Variants in MAGI1 observed in about 807,000 individuals in gnomAD.
MAGI1 encodes membrane-associated guanylate kinase, WW and PDZ domain-containing protein 1.
A neutral mutation model predicts 139.9 loss-of-function variants in MAGI1; 58 were observed. The ratio of observed to expected loss-of-function variants is 0.41; its 90% CI spans 0.34 to 0.52. MAGI1 has a LOEUF of 0.52. Among genes scored for constraint, MAGI1 ranks in the 20% least tolerant of loss-of-function variants. The pLI is 0.12. For synonymous variants in MAGI1, 812 were observed against 737.9 expected, an observed-to-expected ratio of 1.10 and a Z score of -1.63; for missense variants, 1,874 against 1,901.6, an observed-to-expected ratio of 0.99 and a Z score of 0.27.
At chr3:65,739,238 T>A (rs2035047088) in intron 1 of MAGI1, among the ~76,000 whole-genome samples, 1 of 152,222 alleles carries the variant, frequency 6.6e-6, no homozygotes, top group South Asian at 2.1e-4. Context: ...TTAAACTTCA[T>A]GAACCAACTT....
chr3:65,721,886 A>G (rs1307575688), intron 1 of MAGI1, among the ~76,000 whole-genome samples: 1 of 150,794 alleles, frequency 6.6e-6, no homozygotes, highest in Non-Finnish European at 1.5e-5. Flanking sequence ...CTAATTCTGG[A>G]GGTCGACTAA....
chr3:65,775,502 C>CAAAAAAAAAAAAAAAAAAAAA (rs9311958), intron 1 of MAGI1, among the ~76,000 whole-genome samples: 1 of 36,594 alleles, frequency 2.7e-5, no homozygotes, highest in Non-Finnish European at 4.5e-5. Context: ...CCCACTCTGC[C>CAAAAAAAAAAAAAAAAAAAAA]AAAAAAAAAA....
At chr3:65,501,896 C>T (rs918265995) in intron 2 of MAGI1, among the ~76,000 whole-genome samples, 11 of 152,144 alleles carry the variant, frequency 7.2e-5, no homozygotes, top group Non-Finnish European at 1.2e-4. Flanking sequence ...ACAGCATGGA[C>T]GAGTCTCACA....
intron 2 of MAGI1, among the ~76,000 whole-genome samples, chr3:65,520,388 T>C (rs1394711507): frequency 3.9e-5 from 6 of 152,182 alleles, no homozygotes; most frequent in Non-Finnish European, 1.5e-5. Context: ...GAAAAACTTA[T>C]ATTTGAACAC....
At chr3:65,522,919 C>T (rs1423116141) in intron 2 of MAGI1, among the ~76,000 whole-genome samples, 1 of 152,166 alleles carries the variant, frequency 6.6e-6, no homozygotes, top group Admixed American at 6.5e-5. Context: ...TTTTTGGCTT[C>T]AGGCTCAGCT....
intron 3 of MAGI1, among the ~76,000 whole-genome samples, chr3:65,480,898 C>A (rs1019614978): frequency 6.6e-6 from 1 of 151,914 alleles, no homozygotes; most frequent in Non-Finnish European, 1.5e-5. Flanking sequence ...AATAAGGTTT[C>A]TTTTTTAAGA....
chr3:65,573,520 T>G (rs564567969), intron 2 of MAGI1, among the ~76,000 whole-genome samples: 20 of 151,130 alleles, frequency 1.3e-4, no homozygotes, highest in African/African-American at 4.9e-4. Context: ...TTTCAGAAAC[T>G]CCCACATTTA....
intron 1 of MAGI1, among the ~76,000 whole-genome samples, chr3:65,925,657 T>A (rs968802558): frequency 6.7e-6 from 1 of 149,654 alleles, no homozygotes; most frequent in African/African-American, 2.5e-5. Flanking sequence ...AATAGCTCTC[T>A]CATATAACCT....
intron 1 of MAGI1, among the ~76,000 whole-genome samples, chr3:65,742,367 C>G (rs1576967538): frequency 6.6e-6 from 1 of 152,228 alleles, no homozygotes; most frequent in African/African-American, 2.4e-5. Context: ...ATCCAATATA[C>G]CCAGAGCCTG....
intron 8 of MAGI1, among the ~76,000 whole-genome samples, chr3:65,440,292 T>C (rs1948188036): frequency 6.6e-6 from 1 of 152,136 alleles, no homozygotes; most frequent in African/African-American, 2.4e-5. Context: ...TCATATCTTA[T>C]GAATAAGGAA....
At chr3:65,730,458 T>A (rs1484441664) in intron 1 of MAGI1, among the ~76,000 whole-genome samples, 1 of 152,200 alleles carries the variant, frequency 6.6e-6, no homozygotes. Flanking sequence ...GTATCCATCA[T>A]CTTTACTAAG....
intron 1 of MAGI1, among the ~76,000 whole-genome samples, chr3:65,987,754 G>C (rs1471591308): frequency 6.6e-6 from 1 of 151,080 alleles, no homozygotes; most frequent in Non-Finnish European, 1.5e-5. Flanking sequence ...TTTTTTGTAG[G>C]GATGGGGTTT....
At position 65,884,256 on chromosome 3, in the gene MAGI1, T is replaced by TA. The variant is rs749504373; in HGVS notation, c.313+153739dup. 8.3e-4 allele frequency among the ~76,000 whole-genome samples: 126 copies of TA among 152,312 alleles called. 1 individual carries two copies. The highest frequency in any genetic ancestry group is 1.6e-3 in the Non-Finnish European group (112 of 68,024). On this transcript the variant is annotated intron_variant, in intron 1 of 22. Coordinates refer to ENST00000402939, the MANE Select transcript of MAGI1 (RefSeq NM_001033057.2). ...CTGCCATGTGCTGCCTTTTCTTAGA[T>TA]ACAACAAGGAACTAGTGACACTGTG...
chr3:65,925,624 C>A (rs1008783065), intron 1 of MAGI1, among the ~76,000 whole-genome samples: 1 of 152,142 alleles, frequency 6.6e-6, no homozygotes, highest in Non-Finnish European at 1.5e-5. Flanking sequence ...AAATAAAGAA[C>A]CCCAACCTCT....
chr3:65,935,340 C>A (rs2062999181), intron 1 of MAGI1, among the ~76,000 whole-genome samples: 3 of 152,156 alleles, frequency 2.0e-5, no homozygotes, highest in East Asian at 1.9e-4. Flanking sequence ...AGATTGAATT[C>A]TCTGCAGCAA....
intron 1 of MAGI1, among the ~76,000 whole-genome samples, chr3:65,910,854 A>ATTTTTTTTTTTTTTTTTTTTTTTTTT (rs1560003976): frequency 8.4e-5 from 1 of 11,902 alleles, no homozygotes; most frequent in African/African-American, 5.7e-4. Flanking sequence ...GACATGGTGG[A>ATTTTTTTTTTTTTTTTTTTTTTTTTT]CTTTTTTTTT....
intron 1 of MAGI1, among the ~76,000 whole-genome samples, chr3:65,820,512 AC>A (rs2041888975): frequency 6.6e-6 from 1 of 152,098 alleles, no homozygotes; most frequent in Non-Finnish European, 1.5e-5. Context: ...TTAGAAACAT[AC>A]ACATTAGGCG....
intron 14 of MAGI1, among the ~76,000 whole-genome samples, chr3:65,385,283 G>A (rs975250421): frequency 6.6e-5 from 10 of 151,930 alleles, no homozygotes; most frequent in East Asian, 3.9e-4. Flanking sequence ...TAATTCTTAC[G>A]TAATATTTTA....
chr3:65,590,510 C>G (rs1166647683), intron 2 of MAGI1, among the ~76,000 whole-genome samples: 2 of 152,258 alleles, frequency 1.3e-5, no homozygotes, highest in African/African-American at 4.8e-5. Context: ...GCTATTAAAA[C>G]TTGTCCAAAT....
Sources: allele counts gnomAD v4.1 joint callset (sites outside exome capture counted in the v4.1 genomes callset), GRCh38; gene constraint gnomAD v4.1.1; transcripts MANE v1.5; gene names NCBI Gene and HGNC (gene_info 2026-07-23, HGNC 2026-07-21).